The following DISC1 variants were observed in gnomAD, a reference collection of about 807,000 sequenced individuals.
The protein encoded by DISC1 is DISC1 scaffold protein, also known as disrupted in schizophrenia 1 protein.
Under a neutral mutation model 84.5 loss-of-function variants are expected in DISC1, and 57 were observed. The ratio of observed to expected loss-of-function variants is 0.67; its 90% confidence interval spans 0.55 to 0.84. The LOEUF (loss-of-function observed/expected upper bound fraction) is 0.84. Ranked by LOEUF, DISC1 falls within the 40% of genes least tolerant of loss-of-function variation. The probability of loss-of-function intolerance (pLI) is 0.00; values close to 1 mark genes in which losing one functional copy is unlikely to be tolerated. For missense variants in DISC1, 1,000 were observed against 1,057.8 expected, an observed-to-expected ratio of 0.95 and a Z score of 0.76; for synonymous variants, 411 against 415.2, an observed-to-expected ratio of 0.99 and a Z score of 0.12.
intron 9 of DISC1, among the ~76,000 whole-genome samples, chr1:231,917,781 A>G (rs933763873): frequency 6.6e-6 from 1 of 152,226 alleles, no homozygotes; most frequent in Non-Finnish European, 1.5e-5. Context: ...CTGGACATGG[A>G]CTATAATCTA....
chr1:231,879,356 G>A (rs2086125765), intron 9 of DISC1, among the ~76,000 whole-genome samples: 1 of 151,894 alleles, frequency 6.6e-6, no homozygotes, highest in Non-Finnish European at 1.5e-5. Flanking sequence ...GTATACATAT[G>A]TTCAGCACTA....
Position 231,630,606 on chromosome 1 carries a change from T to A in DISC1, c.67+3672T>A, listed in dbSNP as rs1425266811. On this transcript the variant is annotated intron_variant, in intron 1 of 12. Transcript: ENST00000439617. This position sits in a 1 kb window ranked among gnomAD's most constrained non-coding sequence, Gnocchi z 4.4. ...CTCCTGGCACAGCTGGAACCACCGG[T>A]GAAGAGCCATTTTTCAGTCAGCACC... is the stretch of plus-strand genomic sequence containing the variant. Among the ~76,000 whole-genome samples the A allele has an allele frequency of 6.6e-6, 1 of 152,152 alleles. No individual in the cohort carries two copies. The highest frequency in any genetic ancestry group is 2.4e-5 in the African/African-American group (1 of 41,436).
chr1:231,998,875 AAT>A (rs1666301709), intron 10 of DISC1, among the ~76,000 whole-genome samples: 1 of 152,174 alleles, frequency 6.6e-6, no homozygotes, highest in South Asian at 2.1e-4. Context: ...ATAGCCTCAA[AAT>A]ATATATATCA....
At position 231,708,707 on chromosome 1, in the gene DISC1, G is replaced by A. The variant is rs183507171; in HGVS notation, c.1117+6683G>A. ...TGTCAATTTGTCTCCCATCCCTACT[G>A]GGTCTAGAGCATTTTGTGTCCCACT... is the stretch of plus-strand genomic sequence containing the variant. On this transcript the variant is annotated intron_variant, in intron 3 of 12. Coordinates refer to ENST00000439617, the MANE Select transcript of DISC1 (RefSeq NM_018662.3). 1.2e-3 allele frequency among the ~76,000 whole-genome samples: 177 copies of A among 152,274 alleles called. No individual in the cohort carries two copies. In the Middle Eastern group the frequency reaches 0.017, roughly 15 times the overall value.
At chr1:231,720,497 C>T (rs1297101153) in intron 3 of DISC1, among the ~76,000 whole-genome samples, 1 of 152,088 alleles carries the variant, frequency 6.6e-6, no homozygotes, top group Admixed American at 6.5e-5. Flanking sequence ...TGCCACCACA[C>T]TTGGCTAATT....
intron 1 of DISC1, among the ~76,000 whole-genome samples, chr1:231,664,408 C>G (rs1436631303): frequency 2.0e-5 from 3 of 152,136 alleles, no homozygotes; most frequent in Non-Finnish European, 4.4e-5. Context: ...GCATCCCAAT[C>G]CTGGAACCTA....
chr1:231,906,943 C>A (rs2126040915), intron 9 of DISC1, among the ~76,000 whole-genome samples: 1 of 152,172 alleles, frequency 6.6e-6, no homozygotes, highest in Non-Finnish European at 1.5e-5. Context: ...AAGAATCTTT[C>A]TTTTTCTTTC....
intron 9 of DISC1, among the ~76,000 whole-genome samples, chr1:231,923,198 A>G (rs1234477466): frequency 5.3e-5 from 8 of 151,870 alleles, no homozygotes; most frequent in African/African-American, 1.5e-4. Flanking sequence ...GAGGCAGGAG[A>G]ATCGTTTGAA....
intron 3 of DISC1, among the ~76,000 whole-genome samples, chr1:231,703,301 A>G (rs965508140): frequency 5.9e-5 from 9 of 152,148 alleles, no homozygotes; most frequent in Non-Finnish European, 8.8e-5. Context: ...GAGTTGCCTG[A>G]GAGAGGAGGC....
intron 3 of DISC1, among the ~76,000 whole-genome samples, chr1:231,731,104 A>G (rs530519830): frequency 2.8e-4 from 42 of 152,346 alleles, no homozygotes; most frequent in African/African-American, 9.9e-4. Context: ...TTTCACTTTA[A>G]TATTTTAAGG....
chr1:231,794,577 A>G (rs1307234558), intron 6 of DISC1, among the ~76,000 whole-genome samples: 4 of 152,194 alleles, frequency 2.6e-5, no homozygotes, highest in Non-Finnish European at 4.4e-5. Flanking sequence ...GGGCTTACTA[A>G]CAAGCTCCAG....
In DISC1 at chr1:231,778,678, A is replaced by G. The variant is rs932237582; in HGVS notation, c.1634+7608A>G. Among the ~76,000 whole-genome samples, 3 of 152,192 alleles carry G rather than the reference A, an allele frequency of 2.0e-5. No homozygotes were observed. In the South Asian group the frequency reaches 6.2e-4, roughly 32 times the overall value. Reference sequence around the variant, plus strand: ...TTACCAGACTATAATCTGGTAAAGGAGGAAGAGGATTGGAAAAGAAGGAAG... The same window carrying G: ...TTACCAGACTATAATCTGGTAAAGGGGGAAGAGGATTGGAAAAGAAGGAAG... On this transcript the variant is annotated intron_variant, in intron 6 of 12. Coordinates refer to ENST00000439617, the MANE Select transcript of DISC1 (RefSeq NM_018662.3).
chr1:231,988,438 A>G (rs537281013), intron 10 of DISC1, among the ~76,000 whole-genome samples: 1 of 152,348 alleles, frequency 6.6e-6, no homozygotes, highest in East Asian at 1.9e-4. Context: ...ATATATTTGG[A>G]CCTAATCCCC....
At chr1:231,693,066 A>G (rs2065234568) in intron 1 of DISC1, among the ~76,000 whole-genome samples, 1 of 152,180 alleles carries the variant, frequency 6.6e-6, no homozygotes, top group Non-Finnish European at 1.5e-5. Context: ...TAATATCACC[A>G]CTTTACTGAT....
intron 3 of DISC1, among the ~76,000 whole-genome samples, chr1:231,708,008 G>C (rs1420866991): frequency 6.6e-6 from 1 of 152,160 alleles, no homozygotes; most frequent in African/African-American, 2.4e-5. Context: ...ATGGTAGGTG[G>C]AACTATTACC....
At chr1:231,920,424 C>T (rs1300233735) in intron 9 of DISC1, among the ~76,000 whole-genome samples, 1 of 152,174 alleles carries the variant, frequency 6.6e-6, no homozygotes, top group African/African-American at 2.4e-5. Context: ...AGTCCCCATC[C>T]TCCCCTCTCC....
At position 231,630,061 on chromosome 1, in the gene DISC1, A is replaced by G. The variant is rs1481154722; in HGVS notation, c.67+3127A>G. ...ATTCTCCTGCCTCAGCCTCTCGAGT[A>G]GTGGGATTACAGGCGCCCACCACCA... On this transcript the variant is annotated intron_variant, in intron 1 of 12. Coordinates refer to ENST00000439617, the MANE Select transcript of DISC1 (RefSeq NM_018662.3). This position sits in a 1 kb window ranked among gnomAD's most constrained non-coding sequence, Gnocchi z 4.4. Among the ~76,000 whole-genome samples the G allele has an allele frequency of 6.6e-6, 1 of 151,986 alleles. No homozygotes were observed. The highest frequency in any genetic ancestry group is 1.5e-5 in the Non-Finnish European group (1 of 67,982).
chr1:231,807,647 T>A (rs1271846348), intron 8 of DISC1, among the ~76,000 whole-genome samples: 2 of 152,190 alleles, frequency 1.3e-5, no homozygotes, highest in Non-Finnish European at 2.9e-5. Context: ...ATAGGATCCA[T>A]CCTCTGTCAG....
chr1:231,753,565 T>C (rs1180894387), intron 4 of DISC1, among the ~76,000 whole-genome samples: 1 of 152,238 alleles, frequency 6.6e-6, no homozygotes, highest in Non-Finnish European at 1.5e-5. Flanking sequence ...GGGGCTGCCA[T>C]GAAGGTCTCT....
Sources: gnomAD v4.1 joint callset for allele counts (sites outside exome capture counted in the v4.1 genomes callset) on GRCh38, gnomAD v4.1.1 for gene constraint, Gnocchi (gnomAD v3.1) non-coding constraint, MANE v1.5 for transcripts, NCBI Gene and HGNC (gene_info 2026-07-23, HGNC 2026-07-21) for gene names.